Variants in SPAST observed in about 807,000 individuals in gnomAD.
SPAST encodes spastin, also known as spastic paraplegia 4 (autosomal dominant; spastin).
A neutral mutation model predicts 76.6 loss-of-function variants in SPAST; 30 were observed. The ratio of observed to expected loss-of-function variants is 0.39; its 90% CI spans 0.29 to 0.53. The LOEUF (loss-of-function observed/expected upper bound fraction) is 0.53, where lower values mean the gene tolerates loss of function less well. Ranked by LOEUF, SPAST falls within the 20% of genes least tolerant of loss-of-function variation. SPAST has a pLI of 0.68. For missense variants in SPAST, 717 were observed against 770.5 expected (o/e 0.93, Z 0.82); for synonymous variants, 305 against 281.0 (o/e 1.09, Z -0.86).
chr2:32,081,329 C>T (rs1016171690), intron 1 of SPAST, among the ~76,000 whole-genome samples: 3 of 149,926 alleles, frequency 2.0e-5, no homozygotes, highest in East Asian at 2.0e-4. Context: ...CTCCTGACCT[C>T]GTGATTCACC....
intron 4 of SPAST, among the ~76,000 whole-genome samples, chr2:32,107,065 A>G (rs907429464): frequency 1.3e-5 from 2 of 151,952 alleles, no homozygotes; most frequent in African/African-American, 4.8e-5. Flanking sequence ...ATTTCATTTC[A>G]CATGCTAGAC....
intron 4 of SPAST, among the ~76,000 whole-genome samples, chr2:32,113,947 G>T (rs1297188085): frequency 4.8e-4 from 68 of 142,412 alleles, no homozygotes; most frequent in African/African-American, 1.4e-3. Context: ...TTGTTTTTTT[G>T]TTTTTTTTTT....
intron 1 of SPAST, among the ~76,000 whole-genome samples, chr2:32,076,418 T>C (rs1037506755): frequency 6.6e-6 from 1 of 152,248 alleles, no homozygotes; most frequent in South Asian, 2.1e-4. Context: ...CACAGGGTCC[T>C]ACTGTATTAC....
intron 4 of SPAST, among the ~76,000 whole-genome samples, chr2:32,102,632 G>C (rs1290474192): frequency 6.6e-6 from 1 of 152,126 alleles, no homozygotes; most frequent in Non-Finnish European, 1.5e-5. Context: ...TTATTATTTT[G>C]AGATACATCC....
At chr2:32,087,041 T>C (rs367895819) in intron 1 of SPAST, among the ~76,000 whole-genome samples, 2 of 152,312 alleles carry the variant, frequency 1.3e-5, no homozygotes, top group South Asian at 4.1e-4. Flanking sequence ...GTTCTCATGA[T>C]GCAATCAATT....
At chr2:32,135,690 T>C (rs1679514182) in intron 9 of SPAST, among the ~76,000 whole-genome samples, 1 of 152,016 alleles carries the variant, frequency 6.6e-6, no homozygotes, top group South Asian at 2.1e-4. Flanking sequence ...CGGTGGCTCA[T>C]GCCTGTAATT....
At position 32,087,861 on chromosome 2, in the gene SPAST, A is replaced by AATTATT. The variant is rs34216464; in HGVS notation, c.502+309_502+314dup. Among the ~76,000 whole-genome samples the AATTATT allele has an allele frequency of 2.6e-3, 364 of 141,348 alleles. 4 individuals carry two copies. The highest frequency in any genetic ancestry group is 0.019 in the East Asian group (92 of 4,774). The allele number at this position is 141,348 out of a possible 152,430, so 92.7% of individuals were successfully genotyped here. The stretch of plus-strand genomic sequence containing the variant: ...CAGGCGCACACTACCATACTTAGCT[A>AATTATT]ATTATTATTATTATTATTATTATTA... On this transcript the variant is annotated intron_variant, in intron 2 of 16. Transcript: ENST00000315285.
intron 16 of SPAST, among the ~76,000 whole-genome samples, chr2:32,149,888 T>C (rs1030612046): frequency 2.0e-5 from 3 of 152,106 alleles, no homozygotes; most frequent in East Asian, 1.9e-4. Flanking sequence ...TTGTAACTTA[T>C]TTTTTATTTC....
chr2:32,107,097 A>C (rs1254509765), intron 4 of SPAST, among the ~76,000 whole-genome samples: 1 of 151,946 alleles, frequency 6.6e-6, no homozygotes, highest in Non-Finnish European at 1.5e-5. Flanking sequence ...TTCCTGCTGC[A>C]TTCCCCACTC....
At chr2:32,084,513 A>G (rs1363602640) in intron 1 of SPAST, among the ~76,000 whole-genome samples, 1 of 152,094 alleles carries the variant, frequency 6.6e-6, no homozygotes, top group African/African-American at 2.4e-5. Context: ...GGTATGCATT[A>G]GGGGACAGGT....
At position 32,156,465 on chromosome 2, in the gene SPAST, A is replaced by T. The variant is rs533154653; in HGVS notation, c.*1969A>T. 56 of 152,204 alleles carry T rather than the reference A, an allele frequency of 3.7e-4. No homozygotes were observed. Among genetic ancestry groups the T allele is most frequent in the African/African-American group, 8.4e-4 (35 of 41,538 alleles). The allele number at this position is 152,204 out of a possible 1,614,324, so 9.4% of individuals were successfully genotyped here. A position where few individuals can be genotyped will look rare whatever the true frequency, so the allele number is the denominator to read the frequency against. ...AGTTGAGATAAATAGGGGAAAAAAA[A>T]TTTTTTTCAAGCCAGAGCTATGCAT... On this transcript the variant is annotated 3_prime_UTR_variant, in exon 17 of 17. Transcript: ENST00000315285.
intron 1 of SPAST, among the ~76,000 whole-genome samples, chr2:32,072,378 T>G (rs1247277724): frequency 6.6e-6 from 1 of 152,218 alleles, no homozygotes; most frequent in African/African-American, 2.4e-5. Flanking sequence ...GCCTGCTATC[T>G]GACGTGATGC....
At chr2:32,083,533 G>C (rs1160854894) in intron 1 of SPAST, among the ~76,000 whole-genome samples, 1 of 150,516 alleles carries the variant, frequency 6.6e-6, no homozygotes, top group East Asian at 2.0e-4. Context: ...TGGGTGCATT[G>C]TTGTATCTTT....
rs1553397113 is a variant in SPAST, at chr2:32,075,551, T to TTTC, written c.415+11307_415+11308insCTT. ...ATTTAGTGTCATGGCTTTTTTCTTT[T>TTTC]TTTTTTTTTTTTTTTTGAGACAAAG... On this transcript the variant is annotated intron_variant, in intron 1 of 16. Coordinates refer to ENST00000315285, the MANE Select transcript of SPAST (RefSeq NM_014946.4). 1.8e-3 allele frequency among the ~76,000 whole-genome samples: 233 copies of TTTC among 131,558 alleles called. 9 individuals carry two copies. The East Asian group carries it at 0.036, about 20-fold the overall frequency. The allele number at this position is 131,558 out of a possible 152,430, so 86.3% of individuals were successfully genotyped here. A position where few individuals can be genotyped will look rare whatever the true frequency, so the allele number is the denominator to read the frequency against.
intron 15 of SPAST, among the ~76,000 whole-genome samples, chr2:32,145,533 A>G (rs1262472225): frequency 6.6e-6 from 1 of 152,238 alleles, no homozygotes. Flanking sequence ...ACTTTAAACA[A>G]AAAAGAATAA....
At chr2:32,119,778 A>G (rs972362103) in intron 7 of SPAST, among the ~76,000 whole-genome samples, 1 of 152,220 alleles carries the variant, frequency 6.6e-6, no homozygotes, top group Non-Finnish European at 1.5e-5. Flanking sequence ...TTTAAAGTAT[A>G]TCACAGTGAT....
intron 15 of SPAST, 86 bp downstream of exon 15, chr2:32,145,093 A>G (rs1558342058): frequency 2.1e-6 from 2 of 954,466 alleles, no homozygotes; most frequent in Admixed American, 4.4e-5. Context: ...CTACCAAGAG[A>G]TTTTTTTTTT....
At chr2:32,101,746 T>G in intron 4 of SPAST, among the ~76,000 whole-genome samples, 1 of 152,208 alleles carries the variant, frequency 6.6e-6, no homozygotes, top group Non-Finnish European at 1.5e-5. Flanking sequence ...TTTCCCCATT[T>G]ATTGTTTTTG....
intron 16 of SPAST, among the ~76,000 whole-genome samples, chr2:32,148,755 G>A (rs1679977686): frequency 6.6e-6 from 1 of 151,594 alleles, no homozygotes; most frequent in Non-Finnish European, 1.5e-5. Context: ...AGCTTGCAGT[G>A]AGCCGAGATC....
Sources: gnomAD v4.1 joint callset for allele counts (sites outside exome capture counted in the v4.1 genomes callset) on GRCh38, gnomAD v4.1.1 for gene constraint, MANE v1.5 for transcripts, NCBI Gene and HGNC (gene_info 2026-07-23, HGNC 2026-07-21) for gene names.